Variants in PLAT observed in about 807,000 individuals in gnomAD.
PLAT encodes the protein tissue-type plasminogen activator.
A neutral mutation model predicts 74.9 loss-of-function variants in PLAT; 48 were observed. The ratio of observed to expected loss-of-function variants is 0.64; its 90% CI spans 0.51 to 0.82. The LOEUF (loss-of-function observed/expected upper bound fraction) is 0.82. PLAT is among the 40% of genes least tolerant of loss of function. The pLI is 0.00. For synonymous variants in PLAT, 307 were observed against 294.4 expected, an observed-to-expected ratio of 1.04 and a Z score of -0.44; for missense variants, 673 against 736.2, an observed-to-expected ratio of 0.91 and a Z score of 0.99.
intron 1 of PLAT, among the ~76,000 whole-genome samples, chr8:42,193,993 C>T (rs1321800008): frequency 8.2e-6 from 1 of 122,122 alleles, no homozygotes; most frequent in Non-Finnish European, 1.7e-5. Flanking sequence ...GGATTACAGG[C>T]GTGAGCCACC....
At chr8:42,181,758 G>T (rs1805248730) in intron 9 of PLAT, among the ~76,000 whole-genome samples, 179 bp downstream of exon 9, 1 of 150,284 alleles carries the variant, frequency 6.7e-6, no homozygotes, top group Non-Finnish European at 1.5e-5. Flanking sequence ...CCCATGCATG[G>T]GTCATGGACA....
In PLAT at chr8:42,177,949, C is replaced by T. The variant is rs150245226; in HGVS notation, c.1530+948G>A. Among the ~76,000 whole-genome samples, 436 of 152,314 alleles carry T rather than the reference C, an allele frequency of 2.9e-3. 1 individual carries two copies. The highest frequency in any genetic ancestry group is 4.8e-3 in the Non-Finnish European group (326 of 68,024). On this transcript the variant is annotated intron_variant, in intron 13 of 13. Transcript: ENST00000220809. ...CCAGCCCCTAAAGGAGAGCTTCGCA[C>T]GCTGCAGGCACTGAAATGTCTGAGG... is the stretch of plus-strand genomic sequence containing the variant.
chr8:42,188,080 C>T (rs1433716941), intron 4 of PLAT, 64 bp from the exon 5 acceptor site: 35 of 960,946 alleles, frequency 3.6e-5, no homozygotes, highest in Non-Finnish European at 4.9e-5. Context: ...GGCCATGGTT[C>T]CAGGAGCCCT....
chr8:42,187,850 G>C lies in PLAT; in HGVS notation c.364+56C>G, dbSNP rs540522116. ...GCACCCTGCCTTTCCTTCCGGGGGC[G>C]GGGGAGACTGGAGAGGTGGGATTTC... On this transcript the variant is annotated intron_variant, in intron 5 of 13. Coordinates refer to ENST00000220809, the MANE Select transcript of PLAT (RefSeq NM_000930.5). 3 of 1,195,360 alleles carry C rather than the reference G, an allele frequency of 2.5e-6. No homozygotes were observed. The African/African-American group carries it at 4.5e-5, about 18-fold the overall frequency. The allele number at this position is 1,195,360 out of a possible 1,614,324, so 74.0% of individuals were successfully genotyped here.
At chr8:42,203,988 T>C (rs867703528) in intron 1 of PLAT, among the ~76,000 whole-genome samples, 186 of 123,252 alleles carry the variant, frequency 1.5e-3, no homozygotes, top group African/African-American at 8.1e-3. Flanking sequence ...TATATATATA[T>C]ATATACACAC....
At chr8:42,185,338 A>C in intron 6 of PLAT, 166 bp from the exon 7 acceptor site, 1 of 441,454 alleles carries the variant, frequency 2.3e-6, no homozygotes. Flanking sequence ...ATCTCCTCTC[A>C]CTGCAACCTC....
Position 42,175,911 on chromosome 8 carries a change from G to T in PLAT, c.*82C>A. 1 of 1,409,404 alleles carries T rather than the reference G, an allele frequency of 7.1e-7. No homozygotes were observed. The highest frequency in any genetic ancestry group is 9.9e-7 in the Non-Finnish European group (1 of 1,007,662). The allele number at this position is 1,409,404 out of a possible 1,614,324, so 87.3% of individuals were successfully genotyped here. ...TGTGGTGGGTCTGGAGAAGTCTGTA[G>T]AGAAGCACTGCGCCTTTGCAGTGTC... On this transcript the variant is annotated 3_prime_UTR_variant, in exon 14 of 14. Transcript: ENST00000220809.
chr8:42,194,050 C>CTT (rs59850705), intron 1 of PLAT, among the ~76,000 whole-genome samples: 3,806 of 84,628 alleles, frequency 0.045, 591 homozygotes, highest in African/African-American at 0.18. Context: ...TTTCTTCTTT[C>CTT]TTTTTTTTTT....
At position 42,180,038 on chromosome 8, in the gene PLAT, G is replaced by A. The variant is rs1587928179; in HGVS notation, c.1251C>T (p.Ser417=). The A allele has an allele frequency of 5.0e-6, 8 of 1,609,030 alleles. No homozygotes were observed. Among genetic ancestry groups the A allele is most frequent in the Non-Finnish European group, 5.1e-6 (6 of 1,176,898 alleles). The change falls in exon 12 of 14, where the codon TCC becomes TCT. Residue 417 remains serine, a synonymous_variant. Transcript: ENST00000220809. The part of the protein sequence containing the change: ...IALLQLKSDS[S]RCAQESSVVR... ...CCACGCTGCTCTCCTGGGCACAGCG[G>A]GACGAATCCGATTTCAGCTGCAGCA... is the stretch of plus-strand genomic sequence containing the variant.
chr8:42,199,359 C>G (rs1478116436), intron 1 of PLAT, among the ~76,000 whole-genome samples: 1 of 152,184 alleles, frequency 6.6e-6, no homozygotes, highest in African/African-American at 2.4e-5. Context: ...GTAGTCCTAG[C>G]TACTCAGGAG....
intron 12 of PLAT, among the ~76,000 whole-genome samples, 175 bp downstream of exon 12, chr8:42,179,751 C>T (rs1805136246): frequency 6.6e-6 from 1 of 152,212 alleles, no homozygotes; most frequent in African/African-American, 2.4e-5. Context: ...CCTGCAGTGT[C>T]CCTGTGAGGC....
chr8:42,178,117 T>TC (rs1188575464), intron 13 of PLAT, among the ~76,000 whole-genome samples: 3 of 152,334 alleles, frequency 2.0e-5, no homozygotes, highest in Non-Finnish European at 2.9e-5. Flanking sequence ...TAGTGTGCTT[T>TC]CCCAGGGTAT....
intron 13 of PLAT, among the ~76,000 whole-genome samples, chr8:42,178,264 C>CTTTTTTTTTT (rs5891180): frequency 5.5e-5 from 6 of 110,070 alleles, no homozygotes; most frequent in African/African-American, 7.5e-5. Context: ...ACATTTCTTT[C>CTTTTTTTTTT]TTTTTTTTTT....
At chr8:42,181,895 G>A (rs1333683398) in intron 9 of PLAT, 42 bp downstream of exon 9, 1 of 1,155,446 alleles carries the variant, frequency 8.7e-7, no homozygotes, top group Non-Finnish European at 1.3e-6. Context: ...TGGTGAAGAA[G>A]GGAGACCAGG....
Position 42,175,666 on chromosome 8 carries a change from C to A in PLAT, c.*327G>T, listed in dbSNP as rs1049668439. 1 of 242,844 alleles carries A rather than the reference C, an allele frequency of 4.1e-6. No homozygotes were observed. Among genetic ancestry groups the A allele is most frequent in the African/African-American group, 2.2e-5 (1 of 45,482 alleles). 15.0% of individuals were successfully genotyped at this position (242,844 alleles called of 1,614,324 possible). ...GTGGTCCTGTTTCCAAAGCTGCTCACGGTGACAGGTCAGGAGGTTGGGCTT... is the reference window on the plus strand; with the variant it reads ...GTGGTCCTGTTTCCAAAGCTGCTCAAGGTGACAGGTCAGGAGGTTGGGCTT... On this transcript the variant is annotated 3_prime_UTR_variant, in exon 14 of 14. Transcript: ENST00000220809.
intron 5 of PLAT, 99 bp from the exon 6 acceptor site, chr8:42,187,671 G>T: frequency 8.2e-7 from 1 of 1,212,310 alleles, no homozygotes; most frequent in Non-Finnish European, 1.1e-6. Flanking sequence ...CAGGCCTGAT[G>T]CAGGCTGGCT....
chr8:42,181,799 A>T, intron 9 of PLAT, 138 bp downstream of exon 9: 1 of 232,076 alleles, frequency 4.3e-6, no homozygotes, highest in Non-Finnish European at 8.4e-6. Context: ...TCAGTCATGG[A>T]AGCCCCCTCC....
chr8:42,202,982 C>G (rs536184200), intron 1 of PLAT, among the ~76,000 whole-genome samples: 9 of 152,168 alleles, frequency 5.9e-5, no homozygotes, highest in Admixed American at 2.0e-4. Flanking sequence ...CAGCTCCCGA[C>G]AGCAGGCAAA....
Position 42,185,161 on chromosome 8 carries a change from C to G in PLAT, c.551G>C (p.Arg184Pro). 6.2e-7 allele frequency: 1 copy of G among 1,610,890 alleles called. No individual in the cohort carries two copies. Among genetic ancestry groups the G allele is most frequent in the Non-Finnish European group, 8.5e-7 (1 of 1,178,474 alleles). The change falls in exon 7 of 14, where the codon CGA becomes CCA. Residue 184 changes from arginine (R) to proline (P), a missense_variant. Transcript: ENST00000220809. ...GACGTAGCACCAGGGCTTTGAGTCT[C>G]GATCTGGGTTTCTGAAAAATCAGCC... The part of the protein sequence containing the change: ...GNHNYCRNPD[R>P]DSKPWCYVFK...
Sources: allele counts gnomAD v4.1 joint callset (sites outside exome capture counted in the v4.1 genomes callset), GRCh38; gene constraint gnomAD v4.1.1; transcripts MANE v1.5; gene names NCBI Gene and HGNC (gene_info 2026-07-23, HGNC 2026-07-21).